The following RAG1 variants were observed in gnomAD, a reference collection of about 807,000 sequenced individuals.
RAG1 encodes recombination activating 1.
In RAG1, 35 loss-of-function variants were observed where a neutral mutation model predicts 62.7. The observed-to-expected ratio is 0.56, with a 90% CI of 0.43 to 0.74. The LOEUF (loss-of-function observed/expected upper bound fraction) is 0.74, where lower values mean the gene tolerates loss of function less well. Among genes scored for constraint, RAG1 ranks in the 30% least tolerant of loss-of-function variants. The pLI is 0.00. For missense variants in RAG1, 1,169 were observed against 1,278.6 expected (o/e 0.91, Z 1.31); for synonymous variants, 461 against 470.3 (o/e 0.98, Z 0.26).
chr11:36,515,391 C>G (rs1249490076), intron 1 of RAG1: 1 of 151,930 alleles, frequency 6.6e-6, no homozygotes, highest in Non-Finnish European at 1.5e-5. Context: ...TGCCCATTTT[C>G]AAAGGCAGGC....
chr11:36,549,955 G>A (rs575670645), intron 3 of RAG1, among the ~76,000 whole-genome samples: 16 of 152,250 alleles, frequency 1.1e-4, no homozygotes, highest in Middle Eastern at 3.4e-3. Flanking sequence ...ATGAGTTCAT[G>A]TCATTTGCAG....
chr11:36,562,869 T>A (rs1850609605), intron 3 of RAG1, among the ~76,000 whole-genome samples: 1 of 152,154 alleles, frequency 6.6e-6, no homozygotes, highest in South Asian at 2.1e-4. Flanking sequence ...GCCAGCAGAT[T>A]GTGGGACTTC....
downstream of RAG1, among the ~76,000 whole-genome samples, chr11:36,539,741 A>G (rs1266825099): frequency 6.6e-6 from 1 of 152,118 alleles, no homozygotes; most frequent in East Asian, 1.9e-4. Context: ...GCCTCCCAAA[A>G]TATTGAGGTT....
At chr11:36,560,887 C>T (rs538898232) in intron 3 of RAG1, among the ~76,000 whole-genome samples, 1 of 152,282 alleles carries the variant, frequency 6.6e-6, no homozygotes, top group East Asian at 1.9e-4. Flanking sequence ...CAGAGGGTTT[C>T]GTCACTTCCT....
chr11:36,536,696 T>C (rs2133260493), downstream of RAG1, among the ~76,000 whole-genome samples: 1 of 151,326 alleles, frequency 6.6e-6, no homozygotes, highest in East Asian at 1.9e-4. Context: ...ATAAAATATT[T>C]ATATTTTATA....
Position 36,576,466 on chromosome 11 carries a change from G to C in RAG1, c.*30G>C. 6.2e-7 allele frequency: 1 copy of C among 1,613,048 alleles called. No individual in the cohort carries two copies. The highest frequency in any genetic ancestry group is 1.1e-5 in the South Asian group (1 of 91,050). On this transcript the variant is annotated 3_prime_UTR_variant, in exon 2 of 2. Transcript: ENST00000299440. The stretch of plus-strand genomic sequence containing the variant: ...GGCAACCACTTATGAGTTGGTTTTT[G>C]CAATTGAGTTTCCCTCTGGGTTGCA...
At chr11:36,559,042 A>G (rs1850545045) in intron 3 of RAG1, among the ~76,000 whole-genome samples, 1 of 152,114 alleles carries the variant, frequency 6.6e-6, no homozygotes. Flanking sequence ...AGTGGTGATA[A>G]ATTTCCTTTT....
chr11:36,531,556 T>C (rs1040498920), intron 2 of RAG1, among the ~76,000 whole-genome samples: 1 of 151,998 alleles, frequency 6.6e-6, no homozygotes, highest in African/African-American at 2.4e-5. Flanking sequence ...GTCTATACAG[T>C]CTACTGGTAT....
chr11:36,548,922 G>C (rs1019477648), intron 3 of RAG1, among the ~76,000 whole-genome samples: 3 of 152,036 alleles, frequency 2.0e-5, no homozygotes, highest in Admixed American at 1.3e-4. Context: ...TACCAAAACA[G>C]GTATATAGAC....
intron 3 of RAG1, among the ~76,000 whole-genome samples, chr11:36,541,877 G>A (rs1352103210): frequency 1.3e-5 from 2 of 151,858 alleles, no homozygotes; most frequent in African/African-American, 2.4e-5. Flanking sequence ...GCAGCAAGAC[G>A]ACCCTAAAAA....
chr11:36,571,843 C>A (rs1465597602), intron 1 of RAG1, among the ~76,000 whole-genome samples: 1 of 152,124 alleles, frequency 6.6e-6, no homozygotes, highest in Admixed American at 6.5e-5. Context: ...GTCTCGAACT[C>A]CTGACCTCAA....
intron 1 of RAG1, among the ~76,000 whole-genome samples, chr11:36,514,278 ATAAATGTTGTCTTAAGCTC>A (rs1859965797): frequency 6.6e-6 from 1 of 152,218 alleles, no homozygotes; most frequent in African/African-American, 2.4e-5. Flanking sequence ...CTGTGATATA[ATAAATGTTGTCTTAAGCTC>A]TAAAGTTTGG....
In RAG1 at chr11:36,573,940, C is replaced by T; in HGVS notation, c.636C>T (p.Asp212=). ...MEWHPHTPSC[D]ICNTARRGLK... is the part of the protein sequence containing the mutation. The stretch of plus-strand genomic sequence containing the variant: ...GGCACCCCCACACACCATCCTGTGA[C>T]ATCTGCAACACTGCCCGTCGGGGAC... The change falls in exon 2 of 2, where the codon GAC becomes GAT. Residue 212 remains aspartate (D), a synonymous_variant. Coordinates refer to ENST00000299440, the MANE Select transcript of RAG1 (RefSeq NM_000448.3). 6.2e-7 allele frequency: 1 copy of T among 1,614,136 alleles called. No homozygotes were observed. Among genetic ancestry groups the T allele is most frequent in the Non-Finnish European group, 8.5e-7 (1 of 1,180,040 alleles).
chr11:36,528,778 A>G (rs947429575), intron 2 of RAG1, among the ~76,000 whole-genome samples: 2 of 152,072 alleles, frequency 1.3e-5, no homozygotes, highest in Non-Finnish European at 2.9e-5. Context: ...AGAGAGAAGA[A>G]TCAAATAGAC....
chr11:36,573,462 T>G lies in RAG1; in HGVS notation c.158T>G (p.Phe53Cys), dbSNP rs759858884. 6.2e-7 allele frequency: 1 copy of G among 1,614,178 alleles called. No individual in the cohort carries two copies. The highest frequency in any genetic ancestry group is 1.1e-5 in the South Asian group (1 of 91,078). ...GCTCAAAAGGAAAAGAAGGATTCCTTTGAGGGGAAACCCTCTCTGGAGCAA... is the reference window on the plus strand; with the variant it reads ...GCTCAAAAGGAAAAGAAGGATTCCTGTGAGGGGAAACCCTCTCTGGAGCAA... ...EEAQKEKKDS[F>C]EGKPSLEQSP... The change falls in exon 2 of 2, where the codon TTT (phenylalanine) becomes TGT (cysteine). Residue 53 changes from phenylalanine to cysteine, a missense_variant. By Grantham distance (205) the Phe-to-Cys change is radical (BLOSUM62 -2). This residue lies in a region of RAG1 where 369 missense variants were observed against 335.3 expected (regional missense o/e 1.10). Coordinates refer to ENST00000299440, the MANE Select transcript of RAG1 (RefSeq NM_000448.3).
At chr11:36,565,547 G>T (rs1167199424), upstream of RAG1, among the ~76,000 whole-genome samples, 1 of 152,188 alleles carries the variant, frequency 6.6e-6, no homozygotes, top group Non-Finnish European at 1.5e-5. Flanking sequence ...CCAGGCTCTA[G>T]TTCACCCTTT....
intron 2 of RAG1, among the ~76,000 whole-genome samples, chr11:36,520,393 C>T (rs958283172): frequency 2.0e-5 from 3 of 151,968 alleles, no homozygotes; most frequent in South Asian, 2.1e-4. Flanking sequence ...CTCAGCCTCC[C>T]GAGTAGCTGG....
intron 2 of RAG1, among the ~76,000 whole-genome samples, chr11:36,528,672 C>A (rs1590667686): frequency 6.6e-6 from 1 of 151,848 alleles, no homozygotes; most frequent in Non-Finnish European, 1.5e-5. Flanking sequence ...GAGATAGAGA[C>A]ACAAAAAACC....
upstream of RAG1, chr11:36,563,302 T>G (rs1850616985): frequency 6.6e-6 from 1 of 152,238 alleles, no homozygotes; most frequent in African/African-American, 2.4e-5. Flanking sequence ...CTAATGTGTT[T>G]AAGGCCCAGA....
Sources: gnomAD v4.1 joint callset for allele counts (sites outside exome capture counted in the v4.1 genomes callset) on GRCh38, gnomAD v4.1.1 for gene constraint, gnomAD v4.1.1 regional missense constraint, MANE v1.5 for transcripts, NCBI Gene and HGNC (gene_info 2026-07-23, HGNC 2026-07-21) for gene names.